MICU3: variants seen among roughly 807,000 people sequenced by gnomAD.
MICU3 encodes mitochondrial calcium uptake 3, also known as calcium uptake protein 3, mitochondrial.
In MICU3, 62 loss-of-function variants were observed where a neutral mutation model predicts 66.5. That is an observed-to-expected ratio of 0.93 (90% confidence interval 0.76 to 1.15). The LOEUF is 1.15. Ranked by LOEUF, MICU3 falls within the 50% of genes most tolerant of loss-of-function variation. The pLI, the probability that MICU3 is intolerant of heterozygous loss-of-function variation, is 0.00. For synonymous variants in MICU3, 308 were observed against 240.7 expected (o/e 1.28, Z -2.59); for missense variants, 779 against 664.4 (o/e 1.17, Z -1.90).
chr8:17,114,563 T>C (rs1405104285), intron 12 of MICU3, among the ~76,000 whole-genome samples: 8 of 152,212 alleles, frequency 5.3e-5, no homozygotes, highest in Non-Finnish European at 1.2e-4. Flanking sequence ...AACTAACCTG[T>C]AAAATTGAGT....
chr8:17,097,601 A>ATTCTT (rs1262581635), intron 8 of MICU3, among the ~76,000 whole-genome samples: 3 of 151,722 alleles, frequency 2.0e-5, no homozygotes, highest in African/African-American at 4.8e-5. Context: ...AAGAAAGAAA[A>ATTCTT]GTTCTGTTTT....
chr8:17,093,155 C>A (rs767442532), intron 8 of MICU3, among the ~76,000 whole-genome samples: 5 of 151,958 alleles, frequency 3.3e-5, no homozygotes, highest in African/African-American at 1.2e-4. Context: ...TCCAAATAAC[C>A]GTGATTCTTT....
intron 1 of MICU3, among the ~76,000 whole-genome samples, chr8:17,028,605 T>C (rs1379720988): frequency 6.6e-6 from 1 of 152,252 alleles, no homozygotes; most frequent in Non-Finnish European, 1.5e-5. Flanking sequence ...TTATAGGCTT[T>C]GTTCTTAATA....
chr8:17,121,557 T>C lies in MICU3; in HGVS notation c.*1270T>C, dbSNP rs2150848121. ...TGCATATGGAAGATAAGTTCATTTATCTTCCTTTCTAAGACATATTTAATG... is the reference window on the plus strand; with the variant it reads ...TGCATATGGAAGATAAGTTCATTTACCTTCCTTTCTAAGACATATTTAATG... On this transcript the variant is annotated 3_prime_UTR_variant, in exon 15 of 15. Coordinates refer to ENST00000318063, the MANE Select transcript of MICU3 (RefSeq NM_181723.3). The C allele has an allele frequency of 6.6e-6, 1 of 152,378 alleles. No individual in the cohort carries two copies. Among genetic ancestry groups the C allele is most frequent in the Non-Finnish European group, 1.5e-5 (1 of 67,750 alleles). 9.4% of individuals were successfully genotyped at this position (152,378 alleles called of 1,614,324 possible).
chr8:17,059,326 G>C (rs1439082412), intron 1 of MICU3, among the ~76,000 whole-genome samples: 2 of 152,140 alleles, frequency 1.3e-5, no homozygotes, highest in Non-Finnish European at 2.9e-5. Flanking sequence ...CATTTTCAGA[G>C]AACAAAGTAG....
chr8:17,070,600 A>G, intron 3 of MICU3, among the ~76,000 whole-genome samples: 1 of 151,902 alleles, frequency 6.6e-6, no homozygotes, highest in East Asian at 1.9e-4. Context: ...TCTTAACTTT[A>G]AATTGCATAT....
At chr8:17,130,360 C>CA in the MICU3 span, among the ~76,000 whole-genome samples, 2 of 151,674 alleles carry the variant, frequency 1.3e-5, no homozygotes, top group Non-Finnish European at 2.9e-5. Context: ...CCCATCTCTA[C>CA]AAAAATACAA....
chr8:17,085,053 T>G (rs1400830675), intron 5 of MICU3, among the ~76,000 whole-genome samples, 183 bp from the exon 6 acceptor site: 1 of 152,160 alleles, frequency 6.6e-6, no homozygotes, highest in Admixed American at 6.6e-5. Flanking sequence ...AGAAGTACTT[T>G]TAAAGTATAT....
chr8:17,050,967 C>T (rs190487709), intron 1 of MICU3, among the ~76,000 whole-genome samples: 1 of 152,224 alleles, frequency 6.6e-6, no homozygotes, highest in Admixed American at 6.5e-5. Context: ...TTAGATTGGT[C>T]CAGTTTCTTA....
intron 8 of MICU3, among the ~76,000 whole-genome samples, chr8:17,096,655 T>C (rs1250340448): frequency 6.6e-6 from 1 of 151,852 alleles, no homozygotes; most frequent in Non-Finnish European, 1.5e-5. Flanking sequence ...AATTCAGTAG[T>C]ATATCCTAGC....
chr8:17,134,471 G>C, the MICU3 span, among the ~76,000 whole-genome samples: 2 of 149,646 alleles, frequency 1.3e-5, no homozygotes, highest in Admixed American at 6.7e-5. Context: ...TTGAGACAGA[G>C]CCTCACTCTG....
intron 9 of MICU3, among the ~76,000 whole-genome samples, chr8:17,102,240 T>C (rs1014636056): frequency 1.3e-5 from 2 of 151,878 alleles, no homozygotes; most frequent in African/African-American, 4.8e-5. Flanking sequence ...GCCTCTACTC[T>C]TATGCTCCAC....
rs926289022 is a variant in MICU3 at position 17,027,613 on chromosome 8, C to A, written c.334C>A (p.Arg112Ser). The change falls in exon 1 of 15, where the codon CGC (arginine) becomes AGC (serine). Residue 112 changes from arginine to serine, a missense_variant. Physicochemically the swap from Arg to Ser is moderately radical, Grantham distance 110. Transcript: ENST00000318063. ...GGCCACGGAGCCCGAGGACCCGCCC[C>A]GCGGCCGGGGGATGCTGCCCATCCC... ...SAATEPEDPP[R>S]GRGMLPIPVA... 1.1e-4 allele frequency: 139 copies of A among 1,310,048 alleles called. No homozygotes were observed. Among genetic ancestry groups the A allele is most frequent in the Non-Finnish European group, 1.3e-4 (136 of 1,034,012 alleles). The allele number at this position is 1,310,048 out of a possible 1,614,324, so 81.2% of individuals were successfully genotyped here. A position where few individuals can be genotyped will look rare whatever the true frequency, so the allele number is the denominator to read the frequency against.
chr8:17,093,277 C>T (rs1800278243), intron 8 of MICU3, among the ~76,000 whole-genome samples: 1 of 151,952 alleles, frequency 6.6e-6, no homozygotes, highest in Non-Finnish European at 1.5e-5. Flanking sequence ...TTGACTTTGG[C>T]ATGTATTAGA....
At chr8:17,034,761 T>C (rs541678397) in intron 1 of MICU3, among the ~76,000 whole-genome samples, 2 of 152,324 alleles carry the variant, frequency 1.3e-5, no homozygotes, top group South Asian at 4.1e-4. Flanking sequence ...GATAAAACTT[T>C]AACAGACGAG....
At chr8:17,090,635 T>C in intron 8 of MICU3, 51 bp downstream of exon 8, 3 of 1,357,852 alleles carry the variant, frequency 2.2e-6, no homozygotes, top group Non-Finnish European at 2.0e-6. Flanking sequence ...TCACCTGTTA[T>C]ACTTGATAAT....
chr8:17,097,080 C>T (rs1800786237), intron 8 of MICU3, among the ~76,000 whole-genome samples: 1 of 151,310 alleles, frequency 6.6e-6, no homozygotes, highest in African/African-American at 2.4e-5. Context: ...CAGTAGTGCA[C>T]AGTAAGCCTT....
intron 13 of MICU3, among the ~76,000 whole-genome samples, 196 bp downstream of exon 13, chr8:17,116,796 T>C (rs1337825135): frequency 1.3e-5 from 2 of 152,180 alleles, no homozygotes; most frequent in Admixed American, 1.3e-4. Context: ...TTTTAAAAAA[T>C]GTGAAATCAG....
At chr8:17,107,575 C>G (rs1392864720) in intron 11 of MICU3, among the ~76,000 whole-genome samples, 2 of 152,014 alleles carry the variant, frequency 1.3e-5, no homozygotes. Context: ...AAGCAGGAGT[C>G]AGCAAACTAC....
Sources: allele counts gnomAD v4.1 joint callset (sites outside exome capture counted in the v4.1 genomes callset), GRCh38; gene constraint gnomAD v4.1.1; transcripts MANE v1.5; gene names NCBI Gene and HGNC (gene_info 2026-07-23, HGNC 2026-07-21).